Variants in ATP10B observed in about 807,000 individuals in gnomAD.
ATP10B encodes the protein phospholipid-transporting ATPase VB.
In ATP10B, 122 loss-of-function variants were observed where a neutral mutation model predicts 141.2. The observed-to-expected ratio is 0.86, with a 90% CI of 0.75 to 1.00. The LOEUF (loss-of-function observed/expected upper bound fraction) is 1.00. Ranked by LOEUF, ATP10B falls within the 50% of genes least tolerant of loss-of-function variation. The pLI is 0.00. For missense variants in ATP10B, 1,876 were observed against 1,825.3 expected, an observed-to-expected ratio of 1.03 and a Z score of -0.51; for synonymous variants, 685 against 692.0, an observed-to-expected ratio of 0.99 and a Z score of 0.16.
chr5:160,752,570 C>CT (rs1561816911), intron 2 of ATP10B, among the ~76,000 whole-genome samples: 1 of 152,100 alleles, frequency 6.6e-6, no homozygotes, highest in African/African-American at 2.4e-5. Context: ...AAATTTCGTT[C>CT]TTTTTTTCTT....
chr5:160,578,624 G>T (rs913848589), intron 24 of ATP10B, among the ~76,000 whole-genome samples: 8 of 152,130 alleles, frequency 5.3e-5, no homozygotes, highest in African/African-American at 1.9e-4. Context: ...CCAAGTCTTT[G>T]CTATTGTGAA....
chr5:160,852,153 C>G lies in ATP10B; in HGVS notation c.-788G>C, dbSNP rs1416448227. The G allele has an allele frequency of 6.6e-6, 1 of 152,158 alleles. No homozygotes were observed. Among genetic ancestry groups the G allele is most frequent in the Non-Finnish European group, 1.5e-5 (1 of 68,042 alleles). The allele number at this position is 152,158 out of a possible 1,614,324, so 9.4% of individuals were successfully genotyped here. A position where few individuals can be genotyped will look rare whatever the true frequency, so the allele number is the denominator to read the frequency against. On this transcript the variant is annotated 5_prime_UTR_variant, in exon 1 of 26. Coordinates refer to ENST00000327245, the MANE Select transcript of ATP10B (RefSeq NM_025153.3). ...AAGATGACACACTGAAAAGAAATAACTGTGACCAATGAAAGAAAAAGGAAA... is the reference window on the plus strand; with the variant it reads ...AAGATGACACACTGAAAAGAAATAAGTGTGACCAATGAAAGAAAAAGGAAA...
intron 8 of ATP10B, among the ~76,000 whole-genome samples, chr5:160,648,841 G>A (rs956391684): frequency 4.6e-5 from 7 of 151,472 alleles, no homozygotes; most frequent in Non-Finnish European, 8.8e-5. Flanking sequence ...ATGCAATATA[G>A]GCACTTAAAA....
chr5:160,877,858 A>C, the ATP10B span, among the ~76,000 whole-genome samples: 1 of 141,368 alleles, frequency 7.1e-6, no homozygotes. Flanking sequence ...AGTAACTACA[A>C]ACCACAGCTC....
chr5:160,884,590 A>G, the ATP10B span, among the ~76,000 whole-genome samples: 1 of 152,164 alleles, frequency 6.6e-6, no homozygotes, highest in African/African-American at 2.4e-5. Flanking sequence ...ACCACAGCTC[A>G]GAGTTTTAGG....
chr5:160,593,852 C>G lies in ATP10B; in HGVS notation c.3565-2713G>C, dbSNP rs545642876. Among the ~76,000 whole-genome samples the G allele has an allele frequency of 2.3e-3, 351 of 152,204 alleles. 2 individuals carry two copies. Among genetic ancestry groups the G allele is most frequent in the African/African-American group, 8.0e-3 (332 of 41,508 alleles). ...TTAGAGAAAAAAGAATAAAAAGAAA[C>G]AAACAAAGCCTCCAAGAAATATGGG... On this transcript the variant is annotated intron_variant, in intron 22 of 25. Coordinates refer to ENST00000327245, the MANE Select transcript of ATP10B (RefSeq NM_025153.3).
At chr5:160,664,695 C>T (rs756016681) in intron 7 of ATP10B, among the ~76,000 whole-genome samples, 4 of 152,230 alleles carry the variant, frequency 2.6e-5, no homozygotes, top group East Asian at 1.9e-4. Context: ...GTGGCTAGTC[C>T]GCAGATCATA....
At chr5:160,735,897 G>A (rs1740801570) in intron 2 of ATP10B, among the ~76,000 whole-genome samples, 2 of 151,762 alleles carry the variant, frequency 1.3e-5, no homozygotes, top group African/African-American at 4.8e-5. Flanking sequence ...ATGACCAGTG[G>A]GTAAATAAAG....
chr5:160,578,531 T>A (rs1755338768), intron 24 of ATP10B, among the ~76,000 whole-genome samples: 1 of 152,212 alleles, frequency 6.6e-6, no homozygotes, highest in Non-Finnish European at 1.5e-5. Flanking sequence ...CCTTTTTTTA[T>A]GGTTGCATAG....
intron 3 of ATP10B, among the ~76,000 whole-genome samples, chr5:160,707,489 G>C (rs1401902084): frequency 6.6e-6 from 1 of 152,166 alleles, no homozygotes; most frequent in South Asian, 2.1e-4. Context: ...TCATTAAATT[G>C]CAAGCAAATA....
At chr5:160,913,256 C>T in the ATP10B span, among the ~76,000 whole-genome samples, 1 of 152,190 alleles carries the variant, frequency 6.6e-6, no homozygotes, top group Non-Finnish European at 1.5e-5. Context: ...CTGTGAAACT[C>T]AGTAGGACCG....
chr5:160,766,828 T>C (rs1340149058), intron 2 of ATP10B, among the ~76,000 whole-genome samples: 1 of 152,200 alleles, frequency 6.6e-6, no homozygotes, highest in Non-Finnish European at 1.5e-5. Flanking sequence ...AAAAAAATAT[T>C]ACGTTTTCTT....
the ATP10B span, among the ~76,000 whole-genome samples, chr5:160,863,297 T>C: frequency 6.6e-6 from 1 of 151,236 alleles, no homozygotes; most frequent in Non-Finnish European, 1.5e-5. Context: ...CACAGAAAGG[T>C]GAAAGGGAAG....
At chr5:160,685,120 G>A in intron 6 of ATP10B, 1 of 702,766 alleles carries the variant, frequency 1.4e-6, no homozygotes, top group Non-Finnish European at 2.6e-6. Context: ...ATGTCTGTTG[G>A]GGTTCTCTTT....
the ATP10B span, among the ~76,000 whole-genome samples, chr5:160,885,705 A>G: frequency 2.0e-5 from 3 of 152,236 alleles, no homozygotes; most frequent in African/African-American, 7.2e-5. Flanking sequence ...TCTAGGGACA[A>G]GAGAAAATCC....
chr5:160,871,301 GGAATTA>G, the ATP10B span, among the ~76,000 whole-genome samples: 2 of 151,714 alleles, frequency 1.3e-5, no homozygotes, highest in African/African-American at 4.8e-5. Context: ...CAGAAGGGAG[GGAATTA>G]GAATAATTTT....
intron 6 of ATP10B, among the ~76,000 whole-genome samples, chr5:160,672,697 C>T (rs1332168664): frequency 1.3e-5 from 2 of 152,216 alleles, no homozygotes; most frequent in Non-Finnish European, 1.5e-5. Flanking sequence ...TGATGCTGAG[C>T]CCCTCTGGGC....
chr5:160,731,487 AC>A (rs1766736467), intron 2 of ATP10B, among the ~76,000 whole-genome samples: 2 of 151,788 alleles, frequency 1.3e-5, no homozygotes, highest in African/African-American at 4.8e-5. Flanking sequence ...CTGAATTTGA[AC>A]CCCTAATATC....
the ATP10B span, among the ~76,000 whole-genome samples, chr5:160,886,462 G>T: frequency 6.6e-6 from 1 of 152,156 alleles, no homozygotes; most frequent in South Asian, 2.1e-4. Flanking sequence ...GTGTGTGTTT[G>T]TATTGGTGAG....
Sources: allele counts gnomAD v4.1 joint callset (sites outside exome capture counted in the v4.1 genomes callset), GRCh38; gene constraint gnomAD v4.1.1; transcripts MANE v1.5; gene names NCBI Gene and HGNC (gene_info 2026-07-23, HGNC 2026-07-21).